SLC8A3: variants seen among roughly 807,000 people sequenced by gnomAD.
SLC8A3 encodes sodium/calcium exchanger 3.
A neutral mutation model predicts 65.4 loss-of-function variants in SLC8A3; 37 were observed. That is an observed-to-expected ratio of 0.57 (90% confidence interval 0.44 to 0.74). The LOEUF is 0.74. SLC8A3 is among the 30% of genes least tolerant of loss of function. The pLI is 0.00. For missense variants in SLC8A3, 1,112 were observed against 1,172.1 expected (o/e 0.95, Z 0.75); for synonymous variants, 461 against 444.5 (o/e 1.04, Z -0.47).
intron 2 of SLC8A3, among the ~76,000 whole-genome samples, chr14:70,077,315 C>T (rs975345492): frequency 6.6e-6 from 1 of 152,114 alleles, no homozygotes; most frequent in Non-Finnish European, 1.5e-5. Context: ...TTCCTTATTT[C>T]CTGTCTTAGG....
intron 2 of SLC8A3, among the ~76,000 whole-genome samples, chr14:70,140,138 C>T (rs146966426): frequency 7.2e-5 from 11 of 152,174 alleles, no homozygotes; most frequent in Admixed American, 7.2e-4. Flanking sequence ...ACAAAAGTTG[C>T]CAGGAAATTG....
intron 2 of SLC8A3, among the ~76,000 whole-genome samples, chr14:70,130,534 C>G (rs980026800): frequency 3.9e-5 from 6 of 152,196 alleles, no homozygotes; most frequent in African/African-American, 1.4e-4. Flanking sequence ...AAGGGGGATA[C>G]CAATATCCAG....
chr14:70,062,769 T>C (rs1323813252), intron 2 of SLC8A3, among the ~76,000 whole-genome samples: 1 of 152,236 alleles, frequency 6.6e-6, no homozygotes, highest in Admixed American at 6.5e-5. Context: ...AGGCATTTTT[T>C]TGGGAATATT....
intron 2 of SLC8A3, among the ~76,000 whole-genome samples, chr14:70,076,513 T>C (rs1890535120): frequency 1.3e-5 from 2 of 152,210 alleles, no homozygotes; most frequent in Non-Finnish European, 2.9e-5. Context: ...CAGGCCTTTC[T>C]CACTGCAGAG....
At chr14:70,088,504 T>C (rs368839106) in intron 2 of SLC8A3, among the ~76,000 whole-genome samples, 1 of 152,176 alleles carries the variant, frequency 6.6e-6, no homozygotes, top group African/African-American at 2.4e-5. Context: ...CCTGAGTCAC[T>C]GGACTCAACA....
At chr14:70,047,098 A>G (rs1276838825) in intron 6 of SLC8A3, 1 of 152,186 alleles carries the variant, frequency 6.6e-6, no homozygotes. Flanking sequence ...ACCTTCAACT[A>G]TATCCAAAGA....
At chr14:70,175,260 A>G (rs1266730707) in intron 1 of SLC8A3, among the ~76,000 whole-genome samples, 3 of 152,178 alleles carry the variant, frequency 2.0e-5, no homozygotes, top group African/African-American at 7.2e-5. Context: ...GCACTACTCT[A>G]GGCACTTTTA....
chr14:70,128,110 T>G (rs1894596273), intron 2 of SLC8A3, among the ~76,000 whole-genome samples: 1 of 152,232 alleles, frequency 6.6e-6, no homozygotes, highest in Non-Finnish European at 1.5e-5. Context: ...AGGGCAATCC[T>G]ATACATCCTG....
intron 2 of SLC8A3, among the ~76,000 whole-genome samples, chr14:70,101,975 C>T (rs538236219): frequency 6.6e-6 from 1 of 152,190 alleles, no homozygotes; most frequent in Non-Finnish European, 1.5e-5. Flanking sequence ...CTATACTTGA[C>T]GTTTAGCTTC....
intron 2 of SLC8A3, among the ~76,000 whole-genome samples, chr14:70,100,061 G>A (rs1892462587): frequency 6.6e-6 from 1 of 152,208 alleles, no homozygotes. Flanking sequence ...ATAGTACAAA[G>A]CCACTTTGGC....
At chr14:70,171,816 A>G (rs1189419997) in intron 1 of SLC8A3, among the ~76,000 whole-genome samples, 1 of 152,156 alleles carries the variant, frequency 6.6e-6, no homozygotes, top group Non-Finnish European at 1.5e-5. Flanking sequence ...CAAAAAAAGA[A>G]AAAGAAAAGG....
intron 2 of SLC8A3, chr14:70,063,710 A>T (rs1889076182): frequency 3.0e-6 from 2 of 655,798 alleles, no homozygotes; most frequent in African/African-American, 1.8e-5. Flanking sequence ...GACAAGGGAA[A>T]GGGAACCAGA....
intron 2 of SLC8A3, among the ~76,000 whole-genome samples, chr14:70,089,381 A>G (rs1404653088): frequency 6.6e-6 from 1 of 152,220 alleles, no homozygotes; most frequent in Non-Finnish European, 1.5e-5. Flanking sequence ...CCATAACAGG[A>G]GCTCATAAAT....
chr14:70,080,718 G>T (rs1890981659), intron 2 of SLC8A3, among the ~76,000 whole-genome samples: 1 of 152,178 alleles, frequency 6.6e-6, no homozygotes, highest in Non-Finnish European at 1.5e-5. Flanking sequence ...TTGTACACGG[G>T]CAGAAAAGAG....
chr14:70,103,823 G>A (rs1238550999), intron 2 of SLC8A3, among the ~76,000 whole-genome samples: 1 of 151,942 alleles, frequency 6.6e-6, no homozygotes, highest in East Asian at 1.9e-4. Flanking sequence ...TATATGGAAA[G>A]GCAGAAATTG....
At chr14:70,135,203 C>T (rs1895108686) in intron 2 of SLC8A3, among the ~76,000 whole-genome samples, 1 of 152,094 alleles carries the variant, frequency 6.6e-6, no homozygotes, top group Non-Finnish European at 1.5e-5. Flanking sequence ...TCATCTTACC[C>T]CAGTCAGAAT....
In SLC8A3 at chr14:70,049,985, A is replaced by G. The variant is rs150742350; in HGVS notation, c.2114-943T>C. Among the ~76,000 whole-genome samples the G allele has an allele frequency of 8.5e-5, 13 of 152,336 alleles. No individual in the cohort carries two copies. In the East Asian group the frequency reaches 2.5e-3, roughly 29 times the overall value. ...GCATGCCTGTGCCTTGCCAACGGCAACTTCTGTCATGTTTTGGCATAACCG... is the reference window on the plus strand; with the variant it reads ...GCATGCCTGTGCCTTGCCAACGGCAGCTTCTGTCATGTTTTGGCATAACCG... On this transcript the variant is annotated intron_variant, in intron 5 of 6. Transcript: ENST00000356921.
At chr14:70,136,103 GAC>G (rs889057773) in intron 2 of SLC8A3, among the ~76,000 whole-genome samples, 1 of 152,022 alleles carries the variant, frequency 6.6e-6, no homozygotes, top group Non-Finnish European at 1.5e-5. Flanking sequence ...GACACACACA[GAC>G]ACACACAAAA....
intron 2 of SLC8A3, among the ~76,000 whole-genome samples, chr14:70,112,375 G>C (rs7157278): frequency 0.36 from 55,355 of 151,936 alleles, 10,284 homozygotes; most frequent in Admixed American, 0.46. Context: ...GAAAGATGTG[G>C]ACCAGTCATT....
Sources: gnomAD v4.1 joint callset for allele counts (sites outside exome capture counted in the v4.1 genomes callset) on GRCh38, gnomAD v4.1.1 for gene constraint, MANE v1.5 for transcripts, NCBI Gene and HGNC (gene_info 2026-07-23, HGNC 2026-07-21) for gene names.